Variants in SPAG17 observed in about 807,000 individuals in gnomAD.
SPAG17 encodes sperm-associated antigen 17.
Under a neutral mutation model 273.6 loss-of-function variants are expected in SPAG17, and 169 were observed. The observed-to-expected ratio is 0.62, with a 90% CI of 0.55 to 0.70. SPAG17 has a LOEUF of 0.70. Among genes scored for constraint, SPAG17 ranks in the 30% least tolerant of loss-of-function variants. SPAG17 has a pLI of 0.00. For missense variants in SPAG17, 2,557 were observed against 2,627.8 expected, an observed-to-expected ratio of 0.97 and a Z score of 0.59; for synonymous variants, 825 against 873.2, an observed-to-expected ratio of 0.94 and a Z score of 0.97.
chr1:118,005,764 G>A (rs1313298350), intron 31 of SPAG17, among the ~76,000 whole-genome samples, 162 bp from the exon 32 acceptor site: 3 of 152,124 alleles, frequency 2.0e-5, no homozygotes, highest in Non-Finnish European at 4.4e-5. Context: ...TTTGGAAAGG[G>A]CTACTCGATA....
chr1:118,063,184 C>T (rs1271703691), intron 18 of SPAG17, among the ~76,000 whole-genome samples: 1 of 152,112 alleles, frequency 6.6e-6, no homozygotes, highest in Non-Finnish European at 1.5e-5. Context: ...GATTCAATGC[C>T]ATCCCCATCA....
At chr1:118,079,587 T>TTTCATCTATG (rs1407200470) in intron 15 of SPAG17, among the ~76,000 whole-genome samples, 1 of 152,024 alleles carries the variant, frequency 6.6e-6, no homozygotes, top group Non-Finnish European at 1.5e-5. Flanking sequence ...TTGACGTAAT[T>TTTCATCTATG]TTCATCTATG....
At chr1:118,079,817 G>A (rs1654388025) in intron 15 of SPAG17, among the ~76,000 whole-genome samples, 1 of 151,832 alleles carries the variant, frequency 6.6e-6, no homozygotes, top group Non-Finnish European at 1.5e-5. Context: ...ATTATCATTT[G>A]GTTTGAAATA....
chr1:118,058,330 C>A (rs1012458967), intron 18 of SPAG17, among the ~76,000 whole-genome samples: 14 of 152,106 alleles, frequency 9.2e-5, no homozygotes, highest in African/African-American at 2.9e-4. Context: ...AGCTCAGACT[C>A]CCAAGTAGCT....
At chr1:118,047,013 C>A (rs1650433965) in intron 20 of SPAG17, among the ~76,000 whole-genome samples, 1 of 152,268 alleles carries the variant, frequency 6.6e-6, no homozygotes, top group Non-Finnish European at 1.5e-5. Flanking sequence ...GTTCATCAGA[C>A]AAGATTTTTA....
chr1:117,958,199 C>T (rs868447746), intron 48 of SPAG17, among the ~76,000 whole-genome samples: 3 of 152,086 alleles, frequency 2.0e-5, no homozygotes, highest in African/African-American at 4.8e-5. Context: ...GGTGAATTGG[C>T]CTGGTTTTAT....
At position 117,970,069 on chromosome 1, in the gene SPAG17, T is replaced by G; in HGVS notation, c.6374A>C (p.Tyr2125Ser). 6.2e-7 allele frequency: 1 copy of G among 1,613,752 alleles called. No homozygotes were observed. ...PPPSTGLKVT[Y>S]KPGPVAAGMQ... ...TATAGGACTTACAGGTCCAGGTTTG[T>G]AAGTCACTTTCAGTCCTGTGCTGGG... The change falls in exon 46 of 49, where the codon TAC becomes TCC. Residue 2125 changes from tyrosine to serine, a missense_variant. Physicochemically the swap from Tyr to Ser is moderately radical, Grantham distance 144 (BLOSUM62 -2). Transcript: ENST00000336338.
chr1:117,988,623 C>T (rs1656717338), intron 38 of SPAG17, among the ~76,000 whole-genome samples: 1 of 151,966 alleles, frequency 6.6e-6, no homozygotes, highest in Admixed American at 6.6e-5. Flanking sequence ...GGCAGCGATT[C>T]TCAGTTTATT....
At chr1:117,956,326 GTGATTTTCCTTT>G (rs1486371877) in intron 48 of SPAG17, among the ~76,000 whole-genome samples, 1 of 152,024 alleles carries the variant, frequency 6.6e-6, no homozygotes, top group Non-Finnish European at 1.5e-5. Context: ...TATATTATTT[GTGATTTTCCTTT>G]TGATTTTATT....
intron 1 of SPAG17, among the ~76,000 whole-genome samples, chr1:118,169,774 C>T (rs1343319970): frequency 6.6e-6 from 1 of 152,140 alleles, no homozygotes; most frequent in Non-Finnish European, 1.5e-5. Context: ...TATCCACTTT[C>T]CAGCCCTTTA....
Position 118,080,688 on chromosome 1 carries a change from A to G in SPAG17, c.2209+413T>C, listed in dbSNP as rs895023877. 3.9e-5 allele frequency among the ~76,000 whole-genome samples: 6 copies of G among 152,310 alleles called. No homozygotes were observed. In the South Asian group the frequency reaches 1.2e-3, roughly 32 times the overall value. ...AGCACTGTTTTTAATGCTAGTCTAC[A>G]ATGACAGTAATAGCCTGAGCCATAA... On this transcript the variant is annotated intron_variant, in intron 15 of 48. Coordinates refer to ENST00000336338, the MANE Select transcript of SPAG17 (RefSeq NM_206996.4).
intron 3 of SPAG17, among the ~76,000 whole-genome samples, chr1:118,136,154 A>T (rs1159293456): frequency 6.6e-6 from 1 of 152,224 alleles, no homozygotes; most frequent in African/African-American, 2.4e-5. Context: ...TGTGTTATTT[A>T]TCATTCTTAA....
intron 48 of SPAG17, chr1:117,954,761 T>G: frequency 1.0e-6 from 1 of 952,444 alleles, no homozygotes; most frequent in Non-Finnish European, 1.6e-6. Flanking sequence ...CTTTTGAATC[T>G]TGGCATTCTC....
At chr1:118,005,372 C>A in intron 32 of SPAG17, 42 bp downstream of exon 32, 2 of 1,490,742 alleles carry the variant, frequency 1.3e-6, no homozygotes, top group South Asian at 1.4e-5. Context: ...ATCTCAAAAG[C>A]AAAGCCACAG....
chr1:118,121,905 T>C (rs1299029084), intron 3 of SPAG17, among the ~76,000 whole-genome samples: 1 of 152,238 alleles, frequency 6.6e-6, no homozygotes, highest in African/African-American at 2.4e-5. Flanking sequence ...AAAAGAATAC[T>C]GATGACTATT....
At chr1:118,164,598 C>G (rs1450630548) in intron 1 of SPAG17, among the ~76,000 whole-genome samples, 2 of 152,176 alleles carry the variant, frequency 1.3e-5, no homozygotes, top group Non-Finnish European at 2.9e-5. Flanking sequence ...ATTGAAAACA[C>G]CATCTATAGG....
At chr1:118,053,049 G>T (rs1651247539) in intron 20 of SPAG17, among the ~76,000 whole-genome samples, 1 of 152,142 alleles carries the variant, frequency 6.6e-6, no homozygotes, top group East Asian at 1.9e-4. Flanking sequence ...TGTAGGATGA[G>T]AACTGAACTT....
At chr1:117,965,236 G>A (rs1434128473) in intron 47 of SPAG17, 1 of 152,084 alleles carries the variant, frequency 6.6e-6, no homozygotes, top group South Asian at 2.1e-4. Context: ...CGTCAATTGT[G>A]TCCGTCTTTT....
chr1:117,966,576 A>T (rs200707264), intron 47 of SPAG17, 33 bp downstream of exon 47: 2 of 1,570,164 alleles, frequency 1.3e-6, no homozygotes, highest in Non-Finnish European at 1.7e-6. Context: ...TCTGCACTAT[A>T]TATGATTACT....
Sources: allele counts gnomAD v4.1 joint callset (sites outside exome capture counted in the v4.1 genomes callset), GRCh38; gene constraint gnomAD v4.1.1; transcripts MANE v1.5; gene names NCBI Gene and HGNC (gene_info 2026-07-23, HGNC 2026-07-21).